ASAP2: variants seen among roughly 807,000 people sequenced by gnomAD.
ASAP2 encodes arf-GAP with SH3 domain, ANK repeat and PH domain-containing protein 2.
Under a neutral mutation model 131.4 loss-of-function variants are expected in ASAP2, and 45 were observed. The observed-to-expected ratio is 0.34, with a 90% CI of 0.27 to 0.44. The LOEUF (loss-of-function observed/expected upper bound fraction) is 0.44. Among genes scored for constraint, ASAP2 ranks in the 20% least tolerant of loss-of-function variants. The pLI is 1.00. For missense variants in ASAP2, 1,011 were observed against 1,297.0 expected, an observed-to-expected ratio of 0.78 and a Z score of 3.39; for synonymous variants, 510 against 503.0, an observed-to-expected ratio of 1.01 and a Z score of -0.19.
intron 12 of ASAP2, among the ~76,000 whole-genome samples, chr2:9,354,821 C>A (rs1030624701): frequency 6.6e-6 from 1 of 152,156 alleles, no homozygotes; most frequent in African/African-American, 2.4e-5. Context: ...AACCAACGTG[C>A]TTTCAGGAGT....
intron 4 of ASAP2, among the ~76,000 whole-genome samples, chr2:9,319,062 A>T (rs1669980965): frequency 6.6e-6 from 1 of 152,180 alleles, no homozygotes; most frequent in Non-Finnish European, 1.5e-5. Context: ...TGTTTAGGAC[A>T]TGCCTAGCCA....
In ASAP2 at chr2:9,393,529, G is replaced by T. The variant is rs771896140; in HGVS notation, c.2566G>T (p.Val856Leu). 3.1e-6 allele frequency: 5 copies of T among 1,602,794 alleles called. No homozygotes were observed. The Middle Eastern group carries it at 6.6e-4, about 213-fold the overall frequency. Residue 856 changes from valine (V) to leucine (L), a missense_variant, in exon 24 of 28, where the codon GTA becomes TTA. Val to Leu is a conservative substitution (Grantham distance 32, BLOSUM62 1). Coordinates refer to ENST00000281419, the MANE Select transcript of ASAP2 (RefSeq NM_003887.3). ...PPPPVAKTPS[V>L]MEALSQPSKP... ...CCCACCCGTTGCCAAGACGCCCAGC[G>T]TAATGGAAGCCTTGAGCCAGCCGAG...
At chr2:9,395,605 T>C (rs1461509575) in intron 24 of ASAP2, among the ~76,000 whole-genome samples, 9,711 of 96,960 alleles carry the variant, frequency 0.1, 437 homozygotes, top group African/African-American at 0.12. Context: ...TTTTTTTTTT[T>C]TTTTTTTTTT....
In ASAP2 at chr2:9,400,610, T is replaced by C. The variant is rs1572646181; in HGVS notation, c.2735-132T>C. ...AAGGTCTGCATCCAAGTCAGAAGGT[T>C]CCCTTTCCCCTCAACAGATCGGAAC... On this transcript the variant is annotated intron_variant, in intron 25 of 27. Coordinates refer to ENST00000281419, the MANE Select transcript of ASAP2 (RefSeq NM_003887.3). The C allele has an allele frequency of 9.0e-6, 7 of 777,584 alleles. No homozygotes were observed. The South Asian group carries it at 1.1e-4, about 12-fold the overall frequency. 48.2% of individuals were successfully genotyped at this position (777,584 alleles called of 1,614,324 possible).
At chr2:9,291,084 C>A (rs1667778906) in intron 2 of ASAP2, among the ~76,000 whole-genome samples, 1 of 152,184 alleles carries the variant, frequency 6.6e-6, no homozygotes, top group Admixed American at 6.5e-5. Flanking sequence ...ATTCCTATAT[C>A]ATGATTTTAA....
intron 15 of ASAP2, among the ~76,000 whole-genome samples, chr2:9,361,178 C>T (rs955024809): frequency 1.3e-5 from 2 of 152,244 alleles, no homozygotes; most frequent in African/African-American, 4.8e-5. Context: ...TAATCAATGT[C>T]TGCAGATATT....
In ASAP2 at chr2:9,318,521, T is replaced by C; in HGVS notation, c.346-3T>C. 2 of 1,611,716 alleles carry C rather than the reference T, an allele frequency of 1.2e-6. No individual in the cohort carries two copies. The highest frequency in any genetic ancestry group is 1.7e-6 in the Non-Finnish European group (2 of 1,177,902). On this transcript the variant is annotated splice_region_variant and splice_polypyrimidine_tract_variant and intron_variant, in intron 3 of 27. Coordinates refer to ENST00000281419, the MANE Select transcript of ASAP2 (RefSeq NM_003887.3). The stretch of plus-strand genomic sequence containing the variant: ...AGAATCTCCTTTTGTTTTTGTTTTT[T>C]AGATTCAGAATATGAACAACATAAT...
chr2:9,254,232 A>AAAAT (rs1664943171), intron 1 of ASAP2, among the ~76,000 whole-genome samples: 1 of 64,774 alleles, frequency 1.5e-5, no homozygotes, highest in Non-Finnish European at 3.0e-5. Context: ...AAAAAAAAAA[A>AAAAT]AAAAATATAT....
intron 3 of ASAP2, among the ~76,000 whole-genome samples, chr2:9,309,375 A>G (rs1383118729): frequency 6.6e-6 from 1 of 152,230 alleles, no homozygotes; most frequent in Non-Finnish European, 1.5e-5. Context: ...GCAAGAAGCC[A>G]GATGAAAAGG....
At chr2:9,312,720 C>A (rs1465909761) in intron 3 of ASAP2, among the ~76,000 whole-genome samples, 1 of 152,046 alleles carries the variant, frequency 6.6e-6, no homozygotes, top group Non-Finnish European at 1.5e-5. Context: ...CCCCATTCAC[C>A]CGAGGGGAGA....
At chr2:9,279,891 T>TATTTTTTACACATAC (rs1667018231) in intron 2 of ASAP2, among the ~76,000 whole-genome samples, 2 of 32,076 alleles carry the variant, frequency 6.2e-5, no homozygotes, top group South Asian at 3.4e-3. Context: ...TTTACACATA[T>TATTTTTTACACATAC]ATATTTTTTA....
At chr2:9,350,681 T>A (rs111254075) in intron 11 of ASAP2, 127 bp from the exon 12 acceptor site, 1 of 722,636 alleles carries the variant, frequency 1.4e-6, no homozygotes, top group African/African-American at 1.8e-5. Context: ...CTGTCAAGTC[T>A]GAAGGCCACC....
chr2:9,346,138 G>A (rs1159610464), intron 11 of ASAP2, among the ~76,000 whole-genome samples: 1 of 152,092 alleles, frequency 6.6e-6, no homozygotes, highest in Non-Finnish European at 1.5e-5. Context: ...ATCTTAATGG[G>A]ACATTATGGG....
At chr2:9,276,278 C>T (rs1666755015) in intron 1 of ASAP2, among the ~76,000 whole-genome samples, 1 of 152,164 alleles carries the variant, frequency 6.6e-6, no homozygotes, top group South Asian at 2.1e-4. Flanking sequence ...CATCAGAGGC[C>T]TTCTCAGGAG....
chr2:9,385,459 T>C, intron 21 of ASAP2, 101 bp downstream of exon 21: 1 of 917,400 alleles, frequency 1.1e-6, no homozygotes. Flanking sequence ...TTTATAGAAA[T>C]GAAAATGTAG....
chr2:9,317,042 A>G (rs931969067), intron 3 of ASAP2, among the ~76,000 whole-genome samples: 1 of 146,696 alleles, frequency 6.8e-6, no homozygotes, highest in African/African-American at 2.5e-5. Flanking sequence ...ATTCCCAATC[A>G]CTCACATCCA....
intron 1 of ASAP2, among the ~76,000 whole-genome samples, chr2:9,264,660 T>C (rs192068705): frequency 1.4e-3 from 215 of 152,282 alleles, no homozygotes; most frequent in Middle Eastern, 6.8e-3. Flanking sequence ...TGTCACCGTC[T>C]TCTCTCCTCA....
chr2:9,234,631 G>T (rs906474774), intron 1 of ASAP2, among the ~76,000 whole-genome samples: 4 of 152,154 alleles, frequency 2.6e-5, no homozygotes, highest in African/African-American at 9.7e-5. Context: ...GGATCCAGAA[G>T]CTGGGCTGTT....
intron 27 of ASAP2, 26 bp downstream of exon 27, chr2:9,401,422 T>C: frequency 6.2e-7 from 1 of 1,609,152 alleles, no homozygotes; most frequent in Non-Finnish European, 8.5e-7. Context: ...GCCTGGGAGG[T>C]TCCTGGGGGC....
Sources: gnomAD v4.1 joint callset for allele counts (sites outside exome capture counted in the v4.1 genomes callset) on GRCh38, gnomAD v4.1.1 for gene constraint, MANE v1.5 for transcripts, NCBI Gene and HGNC (gene_info 2026-07-23, HGNC 2026-07-21) for gene names.